Variants in DGKH observed in about 807,000 individuals in gnomAD.
DGKH encodes diacylglycerol kinase eta.
Under a neutral mutation model 159.3 loss-of-function variants are expected in DGKH, and 90 were observed. That is an observed-to-expected ratio of 0.57 (90% CI 0.48 to 0.67). The LOEUF (loss-of-function observed/expected upper bound fraction) is 0.67. Ranked by LOEUF, DGKH falls within the 30% of genes least tolerant of loss-of-function variation. The pLI, the probability that DGKH is intolerant of heterozygous loss-of-function variation, is 0.00. For missense variants in DGKH, 1,181 were observed against 1,506.1 expected (o/e 0.78, Z 3.57); for synonymous variants, 536 against 553.8 (o/e 0.97, Z 0.45).
chr13:42,055,205 A>G (rs573186089), intron 1 of DGKH, among the ~76,000 whole-genome samples: 1 of 152,342 alleles, frequency 6.6e-6, no homozygotes, highest in East Asian at 1.9e-4. Context: ...TTTGCCAAGC[A>G]TTGCAAAGTT....
intron 3 of DGKH, among the ~76,000 whole-genome samples, chr13:42,141,726 C>T (rs1955566732): frequency 6.6e-6 from 1 of 152,190 alleles, no homozygotes; most frequent in African/African-American, 2.4e-5. Flanking sequence ...TCATATCCTT[C>T]ACCTACTTTT....
chr13:42,223,003 CTGTTT>C (rs1161995537), intron 29 of DGKH, among the ~76,000 whole-genome samples: 2 of 152,022 alleles, frequency 1.3e-5, no homozygotes, highest in Non-Finnish European at 2.9e-5. Flanking sequence ...CTTTTTTGTT[CTGTTT>C]TGTTTTTATT....
At chr13:42,060,053 A>C (rs1340529882) in intron 1 of DGKH, among the ~76,000 whole-genome samples, 1 of 151,886 alleles carries the variant, frequency 6.6e-6, no homozygotes, top group Non-Finnish European at 1.5e-5. Context: ...TTACAGGTGC[A>C]TGCCACCACG....
chr13:42,159,244 C>CTTTTTGTTTTTTTTTTTTTTTTTTTTTTT (rs1956116356), intron 5 of DGKH, 22 bp from the exon 6 acceptor site: 1 of 200,416 alleles, frequency 5.0e-6, no homozygotes, highest in African/African-American at 3.9e-5. Flanking sequence ...AGCAGTTGCT[C>CTTTTTGTTTTTTTTTTTTTTTTTTTTTTT]TTTTTTTTTT....
chr13:42,069,800 C>T lies in DGKH; in HGVS notation c.192+20835C>T, dbSNP rs1266082411. The T allele has an allele frequency of 2.8e-6, 3 of 1,067,838 alleles. No homozygotes were observed. The African/African-American group carries it at 4.8e-5, about 17-fold the overall frequency. The allele number at this position is 1,067,838 out of a possible 1,614,324, so 66.1% of individuals were successfully genotyped here. A position where few individuals can be genotyped will look rare whatever the true frequency, so the allele number is the denominator to read the frequency against. ...CACTCCAGATCACAATATTTGTTTT[C>T]ATGATGATCTGGGTACTGCCAACAA... On this transcript the variant is annotated intron_variant, in intron 1 of 29. Transcript: ENST00000337343.
At chr13:42,200,139 G>A (rs893870665) in intron 20 of DGKH, among the ~76,000 whole-genome samples, 6 of 152,152 alleles carry the variant, frequency 3.9e-5, no homozygotes, top group Non-Finnish European at 8.8e-5. Flanking sequence ...CTCTGGAGTT[G>A]TGGTGCCCCA....
chr13:42,057,238 A>G (rs1411621741), intron 1 of DGKH, among the ~76,000 whole-genome samples: 1 of 152,194 alleles, frequency 6.6e-6, no homozygotes, highest in Non-Finnish European at 1.5e-5. Flanking sequence ...AATCATGTGA[A>G]GTAATTTTCC....
intron 1 of DGKH, among the ~76,000 whole-genome samples, chr13:42,119,401 G>A (rs1398277834): frequency 1.3e-5 from 2 of 152,202 alleles, no homozygotes; most frequent in Non-Finnish European, 2.9e-5. Context: ...CCTCTTAGCC[G>A]AGGTGGCTTC....
chr13:42,048,423 T>C (rs1458759873), upstream of DGKH, among the ~76,000 whole-genome samples: 1 of 1,264 alleles, frequency 7.9e-4, no homozygotes, highest in Non-Finnish European at 2.0e-3. This position sits in a 1 kb window ranked among gnomAD's most constrained non-coding sequence, Gnocchi z 6.7. Flanking sequence ...ACCCAGACCG[T>C]AAGGGAGTGG....
At chr13:42,163,212 A>G (rs1594123687) in intron 7 of DGKH, among the ~76,000 whole-genome samples, 1 of 151,698 alleles carries the variant, frequency 6.6e-6, no homozygotes, top group Non-Finnish European at 1.5e-5. Context: ...TTATGGCTGC[A>G]TAGTATTCCA....
rs1566192790 is a variant in DGKH, at chr13:42,207,153, CCT to C, written c.2601+1008_2601+1009del. ...TCCTTCCTTCCTTCCTTCCTTCCTT[CCT>C]TCCTTCCTTCCTTCCTTCCTTCCTT... On this transcript the variant is annotated intron_variant, in intron 21 of 29. Coordinates refer to ENST00000337343, the MANE Select transcript of DGKH (RefSeq NM_178009.5). 1.7e-3 allele frequency among the ~76,000 whole-genome samples: 123 copies of C among 73,794 alleles called. 12 individuals carry two copies. Among genetic ancestry groups the C allele is most frequent in the Middle Eastern group, 0.01 (2 of 192 alleles). 48.4% of individuals were successfully genotyped at this position (73,794 alleles called of 152,430 possible).
intron 30 of DGKH, among the ~76,000 whole-genome samples, chr13:42,253,261 C>T (rs975008751): frequency 3.3e-5 from 5 of 151,924 alleles, no homozygotes; most frequent in Admixed American, 6.6e-5. Context: ...ATGGAGTCCT[C>T]GAATGGGATT....
intron 20 of DGKH, among the ~76,000 whole-genome samples, chr13:42,202,264 T>C (rs569834339): frequency 4.6e-5 from 7 of 152,324 alleles, no homozygotes; most frequent in African/African-American, 1.7e-4. Context: ...ACATTCTACT[T>C]CTAAAGACGA....
In DGKH at chr13:42,064,696, G is replaced by A. The variant is rs1048292159; in HGVS notation, c.192+15731G>A. Among the ~76,000 whole-genome samples the A allele has an allele frequency of 6.7e-4, 102 of 152,110 alleles. 1 individual carries two copies. Among genetic ancestry groups the A allele is most frequent in the Admixed American group, 9.8e-4 (15 of 15,274 alleles). ...AGAAAGAAAAGAAAGAGTACTAAAA[G>A]AAACTGTATAATTTTAATGATTTTA... On this transcript the variant is annotated intron_variant, in intron 1 of 29. Transcript: ENST00000337343.
intron 1 of DGKH, among the ~76,000 whole-genome samples, chr13:42,116,966 TA>T (rs1338130258): frequency 1.3e-5 from 2 of 152,196 alleles, no homozygotes; most frequent in African/African-American, 4.8e-5. Flanking sequence ...TTAATTTTTT[TA>T]AACTAGGTTA....
chr13:42,195,576 T>C (rs1269126258), intron 17 of DGKH, among the ~76,000 whole-genome samples: 1 of 152,074 alleles, frequency 6.6e-6, no homozygotes, highest in Non-Finnish European at 1.5e-5. Context: ...TGGAGTGGAG[T>C]CCAGGAATCT....
chr13:42,208,906 A>G (rs1245474467), intron 21 of DGKH, 53 bp from the exon 22 acceptor site: 2 of 1,188,676 alleles, frequency 1.7e-6, no homozygotes, highest in African/African-American at 1.5e-5. Flanking sequence ...ACATTGCTTA[A>G]CGTGCTCTTC....
Position 42,242,477 on chromosome 13 carries a change from G to A in DGKH, c.*13289G>A, listed in dbSNP as rs1180440476. ...CTGACAGAGCAGAGGTTATAACTTT[G>A]GCTCTAATTACTTTTAGTAATGGTA... On this transcript the variant is annotated 3_prime_UTR_variant, in exon 30 of 30. Transcript: ENST00000337343. 2 of 152,092 alleles carry A rather than the reference G, an allele frequency of 1.3e-5. No homozygotes were observed. The highest frequency in any genetic ancestry group is 2.9e-5 in the Non-Finnish European group (2 of 68,024). The allele number at this position is 152,092 out of a possible 1,614,324, so 9.4% of individuals were successfully genotyped here. A position where few individuals can be genotyped will look rare whatever the true frequency, so the allele number is the denominator to read the frequency against.
At chr13:42,071,823 G>A (rs575862171) in intron 1 of DGKH, among the ~76,000 whole-genome samples, 81 of 152,332 alleles carry the variant, frequency 5.3e-4, no homozygotes, top group African/African-American at 1.9e-3. Context: ...TGGTGTCTCT[G>A]AGGCCCTCAC....
Sources: allele counts gnomAD v4.1 joint callset (sites outside exome capture counted in the v4.1 genomes callset), GRCh38; gene constraint gnomAD v4.1.1; non-coding constraint Gnocchi (gnomAD v3.1); transcripts MANE v1.5; gene names NCBI Gene and HGNC (gene_info 2026-07-23, HGNC 2026-07-21).